Variants in PAK2 observed in about 807,000 individuals in gnomAD.
PAK2 encodes p21 (RAC1) activated kinase 2, also known as serine/threonine-protein kinase PAK 2.
In PAK2, 21 loss-of-function variants were observed where a neutral mutation model predicts 65.9. The observed-to-expected ratio is 0.32, with a 90% CI of 0.23 to 0.46. The LOEUF is 0.46. Ranked by LOEUF, PAK2 falls within the 20% of genes least tolerant of loss-of-function variation. PAK2 has a pLI of 1.00. For synonymous variants in PAK2, 204 were observed against 219.7 expected, an observed-to-expected ratio of 0.93 and a Z score of 0.63; for missense variants, 324 against 642.6, an observed-to-expected ratio of 0.50 and a Z score of 5.36.
chr3:196,776,672 G>A (rs1299840537), intron 1 of PAK2, among the ~76,000 whole-genome samples: 1 of 152,170 alleles, frequency 6.6e-6, no homozygotes, highest in Non-Finnish European at 1.5e-5. Context: ...AACGAGATGT[G>A]TCAACATTGG....
chr3:196,817,546 T>C (rs1181327756), intron 11 of PAK2, among the ~76,000 whole-genome samples: 1 of 152,076 alleles, frequency 6.6e-6, no homozygotes, highest in East Asian at 1.9e-4. Flanking sequence ...AGACACAGGG[T>C]TTCACCATGT....
At chr3:196,753,251 C>T (rs1198048842) in intron 1 of PAK2, among the ~76,000 whole-genome samples, 1 of 151,980 alleles carries the variant, frequency 6.6e-6, no homozygotes, top group East Asian at 1.9e-4. Context: ...GCCACCGCGC[C>T]GGGCCTGAGA....
rs1711604879 is a variant in PAK2 at position 196,820,226 on chromosome 3, AC to A, written c.1154-144del. The A allele has an allele frequency of 5.0e-6, 2 of 401,778 alleles. No individual in the cohort carries two copies. Among genetic ancestry groups the A allele is most frequent in the Non-Finnish European group, 8.7e-6 (2 of 230,006 alleles). 24.9% of individuals were successfully genotyped at this position (401,778 alleles called of 1,614,324 possible). On this transcript the variant is annotated intron_variant, in intron 12 of 14. Coordinates refer to ENST00000327134, the MANE Select transcript of PAK2 (RefSeq NM_002577.4). This position sits in a 1 kb window ranked among gnomAD's most constrained non-coding sequence, Gnocchi z 4.6. ...TGTTACATCATGAAAATATTTTTAA[AC>A]TCATTCTGGTTTACTTTATTAATGA...
At chr3:196,804,616 C>T (rs949034355) in intron 4 of PAK2, among the ~76,000 whole-genome samples, 4 of 152,026 alleles carry the variant, frequency 2.6e-5, no homozygotes, top group Middle Eastern at 3.4e-3. Context: ...TACAAGCATG[C>T]GCCGCCACAC....
intron 13 of PAK2, among the ~76,000 whole-genome samples, chr3:196,821,633 A>G (rs1357379472): frequency 1.3e-5 from 2 of 152,274 alleles, no homozygotes; most frequent in African/African-American, 4.8e-5. Flanking sequence ...CAGTGAGCCG[A>G]GATCATGCCA....
intron 2 of PAK2, among the ~76,000 whole-genome samples, chr3:196,793,928 C>G (rs1263484172): frequency 1.3e-5 from 2 of 151,990 alleles, no homozygotes; most frequent in East Asian, 3.9e-4. Context: ...ATCAGAAGTT[C>G]GAAACCAGCC....
intron 4 of PAK2, among the ~76,000 whole-genome samples, chr3:196,804,222 G>A (rs563896482): frequency 1.4e-4 from 21 of 152,256 alleles, no homozygotes; most frequent in African/African-American, 4.6e-4. Context: ...CATCCTCACA[G>A]AAACAAAGGC....
In PAK2 at chr3:196,792,644, C is replaced by T. The variant is rs115630425; in HGVS notation, c.188-9283C>T. ...ATCTTTGTAAACAAAGAAGAGCATA[C>T]GGTAACATTTCCAGTCTTATATGTA... On this transcript the variant is annotated intron_variant, in intron 2 of 14. Transcript: ENST00000327134. Among the ~76,000 whole-genome samples the T allele has an allele frequency of 5.3e-3, 806 of 152,252 alleles. 10 individuals are homozygous for T. The highest frequency in any genetic ancestry group is 0.018 in the African/African-American group (748 of 41,550).
At chr3:196,810,736 G>A (rs533032842) in intron 8 of PAK2, 83 bp downstream of exon 8, 25 of 761,232 alleles carry the variant, frequency 3.3e-5, no homozygotes, top group East Asian at 2.5e-4. Context: ...TTTGCCTGCC[G>A]ACATCAAGTA....
intron 1 of PAK2, among the ~76,000 whole-genome samples, chr3:196,741,950 G>C (rs1417436923): frequency 6.6e-6 from 1 of 152,136 alleles, no homozygotes; most frequent in Non-Finnish European, 1.5e-5. Context: ...TTCAGAGAGA[G>C]ATACTATTCT....
chr3:196,816,308 C>T (rs988695156), intron 11 of PAK2, among the ~76,000 whole-genome samples: 1 of 151,960 alleles, frequency 6.6e-6, no homozygotes, highest in Non-Finnish European at 1.5e-5. Flanking sequence ...TTGTGTTCTA[C>T]CTGAGGAATA....
At chr3:196,775,783 C>T (rs1157135083) in intron 1 of PAK2, among the ~76,000 whole-genome samples, 3 of 152,098 alleles carry the variant, frequency 2.0e-5, no homozygotes, top group Non-Finnish European at 4.4e-5. Flanking sequence ...CTGGCTCAGC[C>T]GTGAAAAAGC....
intron 4 of PAK2, among the ~76,000 whole-genome samples, chr3:196,804,860 C>T (rs1007455142): frequency 2.0e-5 from 3 of 147,440 alleles, no homozygotes; most frequent in Admixed American, 1.3e-4. Flanking sequence ...CACACATATA[C>T]ACACACACAC....
chr3:196,764,758 G>A (rs988499226), intron 1 of PAK2, among the ~76,000 whole-genome samples: 5 of 151,590 alleles, frequency 3.3e-5, no homozygotes, highest in Non-Finnish European at 7.4e-5. Flanking sequence ...GGCTCAGGCA[G>A]TCCTCCCGCC....
intron 1 of PAK2, among the ~76,000 whole-genome samples, chr3:196,752,928 A>T (rs181333131): frequency 1.3e-5 from 2 of 151,988 alleles, no homozygotes; most frequent in Middle Eastern, 3.4e-3. Context: ...TCTTGTCCCA[A>T]GCTCACCATG....
At chr3:196,779,302 A>G (rs770014733) in intron 1 of PAK2, among the ~76,000 whole-genome samples, 1 of 152,188 alleles carries the variant, frequency 6.6e-6, no homozygotes, top group Non-Finnish European at 1.5e-5. Context: ...GCATTGGCCT[A>G]TGGAAAATCT....
chr3:196,824,791 G>A (rs1462106601), intron 13 of PAK2, among the ~76,000 whole-genome samples: 4 of 151,808 alleles, frequency 2.6e-5, no homozygotes, highest in Non-Finnish European at 5.9e-5. Flanking sequence ...GGCCAGCCTG[G>A]GCAACATATC....
rs1012324943 is a variant in PAK2 at position 196,739,865 on chromosome 3, C to A, written c.-314C>A. ...CCGCCCCGCTCCCCGCCGTCTTCCTCCCCCAGGGTTGTGGCCACGCGCAGC... is the reference window on the plus strand; with the variant it reads ...CCGCCCCGCTCCCCGCCGTCTTCCTACCCCAGGGTTGTGGCCACGCGCAGC... On this transcript the variant is annotated 5_prime_UTR_variant, in exon 1 of 15. Coordinates refer to ENST00000327134, the MANE Select transcript of PAK2 (RefSeq NM_002577.4). The A allele has an allele frequency of 6.6e-6, 1 of 152,078 alleles. No individual in the cohort carries two copies. Among genetic ancestry groups the A allele is most frequent in the African/African-American group, 2.4e-5 (1 of 41,374 alleles). 9.4% of individuals were successfully genotyped at this position (152,078 alleles called of 1,614,324 possible).
chr3:196,757,985 TG>T (rs1713825009), intron 1 of PAK2, among the ~76,000 whole-genome samples: 1 of 152,220 alleles, frequency 6.6e-6, no homozygotes, highest in Admixed American at 6.5e-5. Context: ...GAACAGTGAA[TG>T]TATCTTCAAA....
Sources: gnomAD v4.1 joint callset for allele counts (sites outside exome capture counted in the v4.1 genomes callset) on GRCh38, gnomAD v4.1.1 for gene constraint, Gnocchi (gnomAD v3.1) non-coding constraint, MANE v1.5 for transcripts, NCBI Gene and HGNC (gene_info 2026-07-23, HGNC 2026-07-21) for gene names.